SORL1: variants seen among roughly 807,000 people sequenced by gnomAD.
SORL1 encodes the protein sortilin related receptor 1.
In SORL1, 127 loss-of-function variants were observed where a neutral mutation model predicts 273.7. The ratio of observed to expected loss-of-function variants is 0.46; its 90% CI spans 0.40 to 0.54. The LOEUF (loss-of-function observed/expected upper bound fraction) is 0.54. SORL1 is among the 20% of genes least tolerant of loss of function. The pLI is 0.00. For synonymous variants in SORL1, 1,031 were observed against 1,067.4 expected, an observed-to-expected ratio of 0.97 and a Z score of 0.66; for missense variants, 2,494 against 2,846.1, an observed-to-expected ratio of 0.88 and a Z score of 2.81.
At chr11:121,519,591 G>C (rs984067300) in intron 8 of SORL1, among the ~76,000 whole-genome samples, 1 of 152,128 alleles carries the variant, frequency 6.6e-6, no homozygotes, top group Non-Finnish European at 1.5e-5. Flanking sequence ...CTTTAGGAAA[G>C]AATCGACAGG....
chr11:121,568,489 T>C (rs1862784564), intron 22 of SORL1, among the ~76,000 whole-genome samples: 1 of 152,210 alleles, frequency 6.6e-6, no homozygotes, highest in Admixed American at 6.5e-5. Context: ...CTTGATGCAG[T>C]TTGCCAAACT....
intron 20 of SORL1, 102 bp from the exon 21 acceptor site, chr11:121,559,417 A>G (rs1245201048): frequency 8.1e-7 from 1 of 1,240,842 alleles, no homozygotes; most frequent in Non-Finnish European, 1.1e-6. Context: ...CATTCAGCCA[A>G]TAAATGTTAG....
intron 1 of SORL1, among the ~76,000 whole-genome samples, chr11:121,453,573 C>G (rs989866267): frequency 3.9e-5 from 6 of 152,116 alleles, no homozygotes; most frequent in African/African-American, 1.4e-4. Flanking sequence ...CACTTGTTTT[C>G]TAGAGTCAAA....
chr11:121,604,354 C>G, intron 33 of SORL1, 30 bp downstream of exon 33: 1 of 1,477,810 alleles, frequency 6.8e-7, no homozygotes, highest in Non-Finnish European at 9.4e-7. Context: ...CTGGGCTGGG[C>G]TGGGCTGGGC....
At chr11:121,516,730 C>T (rs957729939) in intron 8 of SORL1, among the ~76,000 whole-genome samples, 1 of 152,088 alleles carries the variant, frequency 6.6e-6, no homozygotes, top group Non-Finnish European at 1.5e-5. Context: ...CTACCTCCTT[C>T]TGTTTGGTTC....
chr11:121,491,972 T>C (rs1405540058), intron 5 of SORL1, among the ~76,000 whole-genome samples: 1 of 152,216 alleles, frequency 6.6e-6, no homozygotes, highest in Non-Finnish European at 1.5e-5. Context: ...AAAGATATAC[T>C]TACTGCTTAC....
In SORL1 at chr11:121,530,769, A is replaced by G. The variant is rs1265331614; in HGVS notation, c.1597-1695A>G. On this transcript the variant is annotated intron_variant, in intron 11 of 47. Coordinates refer to ENST00000260197, the MANE Select transcript of SORL1 (RefSeq NM_003105.6). Reference sequence around the variant, plus strand: ...CCTGTTCTTCTCGGACTCCAGTTACATATTAGACCTACTGTTATTGTTCCT... The same window carrying G: ...CCTGTTCTTCTCGGACTCCAGTTACGTATTAGACCTACTGTTATTGTTCCT... Among the ~76,000 whole-genome samples, 3 of 151,948 alleles carry G rather than the reference A, an allele frequency of 2.0e-5. No individual in the cohort carries two copies. The East Asian group carries it at 5.8e-4, about 29-fold the overall frequency.
At position 121,488,116 on chromosome 11, in the gene SORL1, C is replaced by A. The variant is rs765651736; in HGVS notation, c.613C>A (p.Arg205=). Residue 205 remains arginine, a synonymous_variant, in exon 4 of 48, where the codon CGG becomes AGG. Coordinates refer to ENST00000260197, the MANE Select transcript of SORL1 (RefSeq NM_003105.6). ...TCTTCAAGGCTTTTCCATCCCATTT[C>A]GGGCAGCTGATCTCCTCCTACACAG... ...NTLQGFSIPF[R]AADLLLHSKA... 2 of 1,614,140 alleles carry A rather than the reference C, an allele frequency of 1.2e-6. No homozygotes were observed. Among genetic ancestry groups the A allele is most frequent in the Non-Finnish European group, 8.5e-7 (1 of 1,180,016 alleles).
chr11:121,580,811 C>G (rs1368607203), intron 25 of SORL1, among the ~76,000 whole-genome samples: 1 of 151,722 alleles, frequency 6.6e-6, no homozygotes, highest in African/African-American at 2.4e-5. Flanking sequence ...TGCCATATTG[C>G]CCAGGCTGGT....
At chr11:121,618,930 G>A (rs754519384) in intron 42 of SORL1, 37 bp downstream of exon 42, 4 of 1,612,510 alleles carry the variant, frequency 2.5e-6, no homozygotes, top group African/African-American at 2.7e-5. Context: ...TTTAAGGGAT[G>A]TCTTAAGTCC....
intron 24 of SORL1, chr11:121,576,879 A>G (rs1565342117): frequency 6.5e-7 from 1 of 1,535,478 alleles, no homozygotes; most frequent in Admixed American, 2.0e-5. Context: ...CTTTTCTCAA[A>G]CCACAGGCTG....
At chr11:121,618,722 G>A in intron 41 of SORL1, 52 bp from the exon 42 acceptor site, 1 of 1,610,266 alleles carries the variant, frequency 6.2e-7, no homozygotes, top group Non-Finnish European at 8.5e-7. Context: ...TCAAGGAAAT[G>A]AGATCATCGG....
At chr11:121,473,221 A>T (rs1158671905) in intron 2 of SORL1, among the ~76,000 whole-genome samples, 1 of 152,206 alleles carries the variant, frequency 6.6e-6, no homozygotes, top group East Asian at 1.9e-4. Context: ...GCAGTCCAGA[A>T]GGGAAAGAAC....
intron 2 of SORL1, among the ~76,000 whole-genome samples, chr11:121,470,847 T>C (rs950212647): frequency 1.3e-5 from 2 of 152,014 alleles, no homozygotes; most frequent in African/African-American, 2.4e-5. Context: ...CTGGCTAATT[T>C]TTGTGCTTAT....
intron 19 of SORL1, among the ~76,000 whole-genome samples, chr11:121,557,744 A>G (rs1383509267): frequency 6.6e-6 from 1 of 152,230 alleles, no homozygotes; most frequent in African/African-American, 2.4e-5. Context: ...CATGGTACAA[A>G]CATTTAATTC....
intron 23 of SORL1, among the ~76,000 whole-genome samples, chr11:121,571,524 G>C (rs931501093): frequency 6.6e-6 from 1 of 152,250 alleles, no homozygotes; most frequent in Non-Finnish European, 1.5e-5. Flanking sequence ...CAAGTCAGAG[G>C]CTTCTCTTTT....
intron 3 of SORL1, among the ~76,000 whole-genome samples, chr11:121,481,034 C>T (rs78341982): frequency 8.8e-6 from 1 of 113,584 alleles, no homozygotes; most frequent in African/African-American, 3.7e-5. Flanking sequence ...TCATCTCCTC[C>T]TCCCCAGCTC....
chr11:121,532,179 C>A (rs1862211903), intron 11 of SORL1, among the ~76,000 whole-genome samples: 1 of 152,132 alleles, frequency 6.6e-6, no homozygotes, highest in African/African-American at 2.4e-5. Flanking sequence ...GGATTTGAGT[C>A]CTACCTCTGC....
intron 36 of SORL1, 83 bp downstream of exon 36, chr11:121,607,040 T>C (rs1490633774): frequency 1.7e-6 from 2 of 1,180,344 alleles, no homozygotes; most frequent in Admixed American, 1.8e-5. Context: ...AGGGGGTTGA[T>C]TTGGTTTAGC....
Sources: allele counts gnomAD v4.1 joint callset (sites outside exome capture counted in the v4.1 genomes callset), GRCh38; gene constraint gnomAD v4.1.1; transcripts MANE v1.5; gene names NCBI Gene and HGNC (gene_info 2026-07-23, HGNC 2026-07-21).